The following PSMA8 variants were observed in gnomAD, a reference collection of about 807,000 sequenced individuals.
The protein encoded by PSMA8 is proteasome 20S subunit alpha 8.
A neutral mutation model predicts 32.4 loss-of-function variants in PSMA8; 18 were observed. The ratio of observed to expected loss-of-function variants is 0.56; its 90% CI spans 0.38 to 0.82. The LOEUF is 0.82. Among genes scored for constraint, PSMA8 ranks in the 40% least tolerant of loss-of-function variants. The pLI is 0.00. For missense variants in PSMA8, 298 were observed against 300.7 expected, an observed-to-expected ratio of 0.99 and a Z score of 0.07; for synonymous variants, 104 against 98.1, an observed-to-expected ratio of 1.06 and a Z score of -0.36.
intron 1 of PSMA8, 110 bp from the exon 2 acceptor site, chr18:26,144,449 T>C: frequency 2.3e-6 from 2 of 879,930 alleles, no homozygotes; most frequent in Non-Finnish European, 3.5e-6. Flanking sequence ...TTTCTTGTTT[T>C]TATTGAATAC....
At chr18:26,155,237 AAAAAG>A (rs1402826882) in intron 3 of PSMA8, among the ~76,000 whole-genome samples, 1 of 152,112 alleles carries the variant, frequency 6.6e-6, no homozygotes, top group Non-Finnish European at 1.5e-5. Context: ...TCTGTCAAAA[AAAAAG>A]AAAAGGCTCA....
rs925935415 is a variant in PSMA8, at chr18:26,178,723, T to C, written c.478-107T>C. 134 of 954,322 alleles carry C rather than the reference T, an allele frequency of 1.4e-4. No individual in the cohort carries two copies. The South Asian group carries it at 1.5e-3, about 11-fold the overall frequency. 59.1% of individuals were successfully genotyped at this position (954,322 alleles called of 1,614,324 possible). A position where few individuals can be genotyped will look rare whatever the true frequency, so the allele number is the denominator to read the frequency against. On this transcript the variant is annotated intron_variant, in intron 4 of 6. Transcript: ENST00000415576. ...AAATCTGTAATTTTCATTTGGTAAT[T>C]TTATTAAGGTATACTGGAGTAAACT...
chr18:26,167,141 T>A (rs1344233815), intron 4 of PSMA8, among the ~76,000 whole-genome samples: 5 of 152,200 alleles, frequency 3.3e-5, no homozygotes, highest in African/African-American at 1.2e-4. Context: ...GAGACTAATA[T>A]AACAGTAAAA....
chr18:26,154,283 A>T (rs1417869339), intron 3 of PSMA8, among the ~76,000 whole-genome samples: 1 of 151,916 alleles, frequency 6.6e-6, no homozygotes, highest in Non-Finnish European at 1.5e-5. Context: ...TGATTAGCTT[A>T]TAACAAAATT....
chr18:26,173,162 C>T (rs1318923031), intron 4 of PSMA8, among the ~76,000 whole-genome samples: 1 of 152,182 alleles, frequency 6.6e-6, no homozygotes, highest in African/African-American at 2.4e-5. Flanking sequence ...AGTGGTCTAA[C>T]CTTATCTGGC....
intron 1 of PSMA8, among the ~76,000 whole-genome samples, chr18:26,134,959 A>G (rs1027150747): frequency 2.7e-5 from 3 of 111,730 alleles, no homozygotes; most frequent in African/African-American, 1.2e-4. Flanking sequence ...CGTCTCGGGA[A>G]AAAAAAAAAA....
chr18:26,142,188 C>T (rs142525698), intron 1 of PSMA8, among the ~76,000 whole-genome samples: 2,306 of 151,964 alleles, frequency 0.015, 63 homozygotes, highest in African/African-American at 0.052. Flanking sequence ...TACAGGCGCC[C>T]GCCACCACGC....
At chr18:26,189,359 C>G (rs1315544951) in intron 6 of PSMA8, among the ~76,000 whole-genome samples, 2 of 152,068 alleles carry the variant, frequency 1.3e-5, no homozygotes, top group African/African-American at 4.8e-5. Context: ...GAGACCTTGT[C>G]TCTACAAATA....
At chr18:26,163,213 G>GTGTATATATATA (rs1420987062) in intron 4 of PSMA8, among the ~76,000 whole-genome samples, 5 of 80,890 alleles carry the variant, frequency 6.2e-5, no homozygotes, top group Non-Finnish European at 1.2e-4. Context: ...ATGTGTGTGT[G>GTGTATATATATA]TATATATATA....
At chr18:26,154,567 G>A (rs577193608) in intron 3 of PSMA8, among the ~76,000 whole-genome samples, 26 of 152,066 alleles carry the variant, frequency 1.7e-4, no homozygotes, top group South Asian at 2.1e-4. Context: ...GCAGAAGATC[G>A]ATATCTCATA....
chr18:26,186,637 A>G lies in PSMA8; in HGVS notation c.661-5682A>G, dbSNP rs555336630. Among the ~76,000 whole-genome samples the G allele has an allele frequency of 1.1e-4, 17 of 152,350 alleles. No homozygotes were observed. The South Asian group carries it at 3.1e-3, about 28-fold the overall frequency. ...AAAACATAAAATCTCTTAATTTTACATATGTACTTCTTAAATCACTGACTA... is the reference window on the plus strand; with the variant it reads ...AAAACATAAAATCTCTTAATTTTACGTATGTACTTCTTAAATCACTGACTA... On this transcript the variant is annotated intron_variant, in intron 6 of 6. Transcript: ENST00000415576.
intron 6 of PSMA8, among the ~76,000 whole-genome samples, chr18:26,182,434 A>T (rs1446438951): frequency 1.3e-5 from 2 of 152,174 alleles, no homozygotes; most frequent in Non-Finnish European, 2.9e-5. Context: ...TTTACAATCA[A>T]TGGATGACAG....
At chr18:26,174,962 A>G (rs2055252362) in intron 4 of PSMA8, among the ~76,000 whole-genome samples, 1 of 152,202 alleles carries the variant, frequency 6.6e-6, no homozygotes, top group Admixed American at 6.5e-5. Flanking sequence ...TGTGGGATTC[A>G]CTTTGGAAAA....
At position 26,144,675 on chromosome 18, in the gene PSMA8, G is replaced by A. The variant is rs1168199187; in HGVS notation, c.219G>A (p.Met73Ile). Reference protein sequence around the residue: ...KICALDDHVCMAFAGLTADAR... With the variant: ...KICALDDHVCIAFAGLTADAR... ...GTGCCCTTGATGACCATGTCTGCATGGCTTTTGCAGGTACTTAAGGTCCTA... is the reference window on the plus strand; with the variant it reads ...GTGCCCTTGATGACCATGTCTGCATAGCTTTTGCAGGTACTTAAGGTCCTA... The change falls in exon 2 of 7, where the codon ATG becomes ATA. Residue 73 changes from methionine (M) to isoleucine (I), a missense_variant. Physicochemically the swap from Met to Ile is conservative, Grantham distance 10. Coordinates refer to ENST00000415576, the MANE Select transcript of PSMA8 (RefSeq NM_001025096.2). The A allele has an allele frequency of 1.9e-6, 3 of 1,613,762 alleles. No homozygotes were observed. In the Admixed American group the frequency reaches 5.0e-5, roughly 27 times the overall value.
chr18:26,138,862 G>T (rs1201735817), intron 1 of PSMA8, among the ~76,000 whole-genome samples: 4 of 152,222 alleles, frequency 2.6e-5, no homozygotes, highest in Non-Finnish European at 5.9e-5. Context: ...AGGAATAAAA[G>T]TTGGTGTCCC....
chr18:26,186,622 A>C (rs561677790), intron 6 of PSMA8, among the ~76,000 whole-genome samples: 1 of 152,178 alleles, frequency 6.6e-6, no homozygotes, highest in Non-Finnish European at 1.5e-5. Flanking sequence ...AAAACATAAA[A>C]TCTCTTAATT....
intron 6 of PSMA8, among the ~76,000 whole-genome samples, chr18:26,183,837 A>G (rs2055331782): frequency 6.6e-6 from 1 of 150,614 alleles, no homozygotes; most frequent in African/African-American, 2.5e-5. Flanking sequence ...GGAAGAGTCT[A>G]TCAATGTGGC....
chr18:26,144,071 T>G (rs2054981853), intron 1 of PSMA8, among the ~76,000 whole-genome samples: 1 of 152,180 alleles, frequency 6.6e-6, no homozygotes, highest in South Asian at 2.1e-4. Context: ...CAGCTCACAT[T>G]TATTTCAGTG....
At chr18:26,145,291 T>C (rs1287587355) in intron 2 of PSMA8, among the ~76,000 whole-genome samples, 1 of 152,106 alleles carries the variant, frequency 6.6e-6, no homozygotes, top group East Asian at 1.9e-4. Context: ...GCTAATTTTG[T>C]ATTTTTAGTG....
Sources: gnomAD v4.1 joint callset for allele counts (sites outside exome capture counted in the v4.1 genomes callset) on GRCh38, gnomAD v4.1.1 for gene constraint, MANE v1.5 for transcripts, NCBI Gene and HGNC (gene_info 2026-07-23, HGNC 2026-07-21) for gene names.